ADAM18: variants seen among roughly 807,000 people sequenced by gnomAD.
ADAM18 encodes the protein ADAM metallopeptidase domain 18.
ADAM18 carries 117 observed loss-of-function variants against 94.4 expected under a neutral mutation model. That is an observed-to-expected ratio of 1.24 (90% confidence interval 1.07 to 1.45). The LOEUF (loss-of-function observed/expected upper bound fraction) is 1.45. ADAM18 is among the 40% of genes most tolerant of loss of function. The pLI, the probability that ADAM18 is intolerant of heterozygous loss-of-function variation, is 0.00. For missense variants in ADAM18, 936 were observed against 880.0 expected, an observed-to-expected ratio of 1.06 and a Z score of -0.81; for synonymous variants, 327 against 291.6, an observed-to-expected ratio of 1.12 and a Z score of -1.24.
intron 14 of ADAM18, among the ~76,000 whole-genome samples, chr8:39,669,252 A>C (rs970254940): frequency 6.6e-6 from 1 of 151,046 alleles, no homozygotes; most frequent in Non-Finnish European, 1.5e-5. Flanking sequence ...TTGACACATG[A>C]CATCTTTTTT....
intron 2 of ADAM18, among the ~76,000 whole-genome samples, chr8:39,597,642 A>G (rs1001082280): frequency 3.9e-5 from 6 of 151,934 alleles, no homozygotes; most frequent in African/African-American, 1.5e-4. Context: ...CTATTTGTTT[A>G]TTCTTTAGCC....
chr8:39,722,213 GTGTGTATATATATATATA>G (rs1259273336), intron 18 of ADAM18, among the ~76,000 whole-genome samples: 97 of 73,390 alleles, frequency 1.3e-3, no homozygotes, highest in African/African-American at 6.4e-3. Context: ...GTGTGTGTGT[GTGTGTATATATATATATA>G]TATATATATA....
chr8:39,667,384 A>G (rs1193880919), intron 13 of ADAM18, among the ~76,000 whole-genome samples: 1 of 150,592 alleles, frequency 6.6e-6, no homozygotes, highest in Non-Finnish European at 1.5e-5. Flanking sequence ...CCTGAGCAAA[A>G]GAGCAAAACT....
At chr8:39,714,857 C>A (rs1449010479) in intron 18 of ADAM18, among the ~76,000 whole-genome samples, 1 of 152,022 alleles carries the variant, frequency 6.6e-6, no homozygotes, top group Non-Finnish European at 1.5e-5. Flanking sequence ...ACAATTTTTT[C>A]TTTGAGGACC....
rs1821410031 is a variant in ADAM18, at chr8:39,680,123, T to G, written c.1718T>G (p.Ile573Ser). Residue 573 changes from isoleucine to serine, a missense_variant, in exon 16 of 20, where the codon ATT becomes AGT. Coordinates refer to ENST00000265707, the MANE Select transcript of ADAM18 (RefSeq NM_014237.3). ...SDAQSTVYSY[I>S]QDHVCVSIAT... ...GCTCAATCTACAGTTTATTCATATA[T>G]TCAAGACCATGTATGTGTATCTATA... 1 of 1,613,806 alleles carries G rather than the reference T, an allele frequency of 6.2e-7. No individual in the cohort carries two copies. Among genetic ancestry groups the G allele is most frequent in the South Asian group, 1.1e-5 (1 of 91,084 alleles).
chr8:39,608,852 C>G (rs1315212669), intron 3 of ADAM18, among the ~76,000 whole-genome samples, 190 bp from the exon 4 acceptor site: 1 of 152,134 alleles, frequency 6.6e-6, no homozygotes, highest in African/African-American at 2.4e-5. Flanking sequence ...TGTCCCAGTG[C>G]TAAGTCTAAA....
intron 14 of ADAM18, among the ~76,000 whole-genome samples, chr8:39,671,044 CTTCCCA>C (rs1271523978): frequency 6.6e-6 from 1 of 152,224 alleles, no homozygotes; most frequent in African/African-American, 2.4e-5. Flanking sequence ...ATCCAGCTTC[CTTCCCA>C]TTTCCAAATA....
rs981264787 is a variant in ADAM18, at chr8:39,625,659, G to A, written c.523-3715G>A. On this transcript the variant is annotated intron_variant, in intron 6 of 19. Coordinates refer to ENST00000265707, the MANE Select transcript of ADAM18 (RefSeq NM_014237.3). ...CAGCTTTTTACCCATTCAGTATGATGCTCTCTGTGGGTTTGTCATATATAG... is the reference window on the plus strand; with the variant it reads ...CAGCTTTTTACCCATTCAGTATGATACTCTCTGTGGGTTTGTCATATATAG... 1.4e-4 allele frequency among the ~76,000 whole-genome samples: 21 copies of A among 152,060 alleles called. No individual in the cohort carries two copies. The South Asian group carries it at 4.2e-3, about 30-fold the overall frequency.
intron 19 of ADAM18, among the ~76,000 whole-genome samples, chr8:39,725,192 T>C (rs920731613): frequency 6.6e-6 from 1 of 152,042 alleles, no homozygotes; most frequent in Admixed American, 6.6e-5. Context: ...GTATAATTGA[T>C]ATACAAATAC....
chr8:39,689,923 C>G (rs1030308834), intron 16 of ADAM18, among the ~76,000 whole-genome samples: 1 of 152,032 alleles, frequency 6.6e-6, no homozygotes, highest in South Asian at 2.1e-4. Context: ...CTCCCTAGTT[C>G]GCTGTATTCC....
intron 17 of ADAM18, among the ~76,000 whole-genome samples, chr8:39,704,667 C>G (rs1251455399): frequency 6.6e-6 from 1 of 152,026 alleles, no homozygotes; most frequent in African/African-American, 2.4e-5. Flanking sequence ...TATTTCTATG[C>G]CCAGCTTAAA....
chr8:39,675,404 T>C (rs1334596602), intron 14 of ADAM18, among the ~76,000 whole-genome samples: 1 of 152,234 alleles, frequency 6.6e-6, no homozygotes, highest in Non-Finnish European at 1.5e-5. Context: ...TTTCTTCCAC[T>C]TAATAGAATC....
intron 16 of ADAM18, among the ~76,000 whole-genome samples, chr8:39,689,904 A>G (rs1380462991): frequency 6.6e-6 from 1 of 152,046 alleles, no homozygotes; most frequent in Admixed American, 6.5e-5. Context: ...CCTTGTAGAG[A>G]TCTTTCACCT....
Position 39,645,383 on chromosome 8 carries a change from C to A in ADAM18, c.955C>A (p.Gln319Lys). ...GGAGGGATTTTCGGTTATTATAGCT[C>A]AACTGCTTGGCCTTAATGTAGGATT... ...GLEGFSVIIA[Q>K]LLGLNVGLTY... Residue 319 changes from glutamine (Q) to lysine (K), a missense_variant, in exon 11 of 20, where the codon CAA becomes AAA. Coordinates refer to ENST00000265707, the MANE Select transcript of ADAM18 (RefSeq NM_014237.3). 6.2e-7 allele frequency: 1 copy of A among 1,612,518 alleles called. No homozygotes were observed. The highest frequency in any genetic ancestry group is 1.1e-5 in the South Asian group (1 of 90,884).
At chr8:39,679,956 T>C (rs1821398018) in intron 15 of ADAM18, 81 bp from the exon 16 acceptor site, 1 of 1,332,436 alleles carries the variant, frequency 7.5e-7, no homozygotes, top group Non-Finnish European at 1.1e-6. Flanking sequence ...TAACAGTATG[T>C]TACCATTATG....
chr8:39,723,791 C>A lies in ADAM18; in HGVS notation c.2061C>A (p.Asn687Lys). Residue 687 changes from asparagine (N) to lysine (K), a missense_variant, in exon 19 of 20, where the codon AAC (asparagine) becomes AAA (lysine). Transcript: ENST00000265707. ...AAGGCTACAATACACACTGGAACAA[C>A]TGGTTTATTCTGAGTTTCTGCATTT... is the stretch of plus-strand genomic sequence containing the variant. ...TEKGYNTHWN[N>K]WFILSFCIFL... 4 of 1,583,126 alleles carry A rather than the reference C, an allele frequency of 2.5e-6. No homozygotes were observed. The highest frequency in any genetic ancestry group is 3.4e-6 in the Non-Finnish European group (4 of 1,165,414).
chr8:39,677,912 C>T (rs1821342488), intron 15 of ADAM18, among the ~76,000 whole-genome samples: 1 of 152,064 alleles, frequency 6.6e-6, no homozygotes, highest in African/African-American at 2.4e-5. Context: ...AAGAAGAAAG[C>T]TATTTTTGTT....
intron 2 of ADAM18, among the ~76,000 whole-genome samples, chr8:39,599,933 T>C (rs1219857992): frequency 6.6e-6 from 1 of 152,036 alleles, no homozygotes; most frequent in Non-Finnish European, 1.5e-5. Flanking sequence ...GGTATTGCAC[T>C]GGCTAGAACC....
intron 12 of ADAM18, among the ~76,000 whole-genome samples, chr8:39,658,432 A>G (rs1820744247): frequency 6.6e-6 from 1 of 152,182 alleles, no homozygotes; most frequent in African/African-American, 2.4e-5. Context: ...GTGCTATGAC[A>G]AGAATTTGAC....
Sources: gnomAD v4.1 joint callset for allele counts (sites outside exome capture counted in the v4.1 genomes callset) on GRCh38, gnomAD v4.1.1 for gene constraint, MANE v1.5 for transcripts, NCBI Gene and HGNC (gene_info 2026-07-23, HGNC 2026-07-21) for gene names.